The following ACCSL variants were observed in gnomAD, a reference collection of about 807,000 sequenced individuals.
ACCSL encodes the protein probable inactive 1-aminocyclopropane-1-carboxylate synthase-like protein 2.
A neutral mutation model predicts 61.7 loss-of-function variants in ACCSL; 55 were observed. The observed-to-expected ratio is 0.89, with a 90% CI of 0.72 to 1.12. ACCSL has a LOEUF of 1.12. ACCSL is among the 50% of genes most tolerant of loss of function. ACCSL has a pLI of 0.00. For synonymous variants in ACCSL, 258 were observed against 264.3 expected (o/e 0.98, Z 0.23); for missense variants, 632 against 698.0 (o/e 0.91, Z 1.07).
the ACCSL span, among the ~76,000 whole-genome samples, chr11:44,030,036 G>T: frequency 3.5e-4 from 9 of 25,828 alleles, no homozygotes; most frequent in Admixed American, 4.4e-4. Flanking sequence ...TTTATTTTAT[G>T]TTTGCTTGTT....
At chr11:43,936,293 C>T in the ACCSL span, among the ~76,000 whole-genome samples, 1 of 152,200 alleles carries the variant, frequency 6.6e-6, no homozygotes, top group East Asian at 1.9e-4. Context: ...GCCACCAAAA[C>T]CCCCAAATGC....
chr11:44,043,170 T>G (rs1010831114), upstream of ACCSL, among the ~76,000 whole-genome samples: 16 of 152,194 alleles, frequency 1.1e-4, no homozygotes, highest in African/African-American at 3.9e-4. Flanking sequence ...CTGATAAGAT[T>G]CATAAGTATA....
the ACCSL span, among the ~76,000 whole-genome samples, chr11:43,985,942 G>A: frequency 9.7e-3 from 1,472 of 151,738 alleles, 24 homozygotes; most frequent in African/African-American, 0.033. Context: ...CAGCCTGGGC[G>A]ACAGCGTGAG....
chr11:43,930,449 G>A, the ACCSL span, among the ~76,000 whole-genome samples: 1 of 152,148 alleles, frequency 6.6e-6, no homozygotes, highest in East Asian at 1.9e-4. Flanking sequence ...CCTCATGAAT[G>A]GCTTGGTGCC....
At chr11:43,983,643 A>G in the ACCSL span, among the ~76,000 whole-genome samples, 2 of 151,594 alleles carry the variant, frequency 1.3e-5, no homozygotes, top group Non-Finnish European at 2.9e-5. Context: ...CCTTCCATCA[A>G]CAGAATCATG....
the ACCSL span, among the ~76,000 whole-genome samples, chr11:44,027,056 A>G: frequency 6.6e-6 from 1 of 152,156 alleles, no homozygotes; most frequent in Non-Finnish European, 1.5e-5. Flanking sequence ...TATATTCTTT[A>G]TCATGCGTGA....
chr11:43,924,074 A>T, the ACCSL span, among the ~76,000 whole-genome samples: 1 of 152,218 alleles, frequency 6.6e-6, no homozygotes, highest in African/African-American at 2.4e-5. Context: ...CTGGTATCTG[A>T]AAGGGAAGGA....
At chr11:43,940,459 C>A in the ACCSL span, among the ~76,000 whole-genome samples, 1 of 151,948 alleles carries the variant, frequency 6.6e-6, no homozygotes, top group South Asian at 2.1e-4. Flanking sequence ...GGGTTCACAC[C>A]ATTCTCCTGC....
the ACCSL span, among the ~76,000 whole-genome samples, chr11:43,968,248 T>C: frequency 6.8e-6 from 1 of 146,936 alleles, no homozygotes; most frequent in Non-Finnish European, 1.5e-5. Context: ...CCCTTTAGGG[T>C]GAAAGTATTT....
At chr11:43,953,983 G>A in the ACCSL span, among the ~76,000 whole-genome samples, 2 of 152,010 alleles carry the variant, frequency 1.3e-5, no homozygotes, top group South Asian at 2.1e-4. Flanking sequence ...ACCCCTTTTC[G>A]GTAACCTGTC....
chr11:44,050,100 C>T lies in ACCSL; in HGVS notation c.543C>T (p.Cys181=). The change falls in exon 2 of 14, where the codon TGC becomes TGT. Residue 181 remains cysteine (C), a synonymous_variant. Transcript: ENST00000378832. The part of the protein sequence containing the change: ...INLGTSENKL[C]MDLMTERLQE... ...TTGGCACCAGTGAGAACAAGCTCTG[C>T]ATGGATCTGATGACTGAAAGAGTAA... 3 of 1,614,072 alleles carry T rather than the reference C, an allele frequency of 1.9e-6. No homozygotes were observed. Among genetic ancestry groups the T allele is most frequent in the Non-Finnish European group, 2.5e-6 (3 of 1,179,924 alleles).
chr11:43,978,393 TA>T, the ACCSL span, among the ~76,000 whole-genome samples: 1 of 152,092 alleles, frequency 6.6e-6, no homozygotes, highest in East Asian at 1.9e-4. Flanking sequence ...GAAAAGTAAT[TA>T]AAAGGCAAAA....
chr11:44,018,537 A>G, the ACCSL span, among the ~76,000 whole-genome samples: 1 of 152,164 alleles, frequency 6.6e-6, no homozygotes, highest in Non-Finnish European at 1.5e-5. Context: ...AGATTGAGAG[A>G]CCTTGGCCTT....
In ACCSL at chr11:44,053,600, T is replaced by TGC. The variant is rs1185245485; in HGVS notation, c.1049+95_1049+96dup. 1.1e-5 allele frequency: 13 copies of TGC among 1,185,566 alleles called. No homozygotes were observed. The African/African-American group carries it at 1.8e-4, about 16-fold the overall frequency. 73.4% of individuals were successfully genotyped at this position (1,185,566 alleles called of 1,614,324 possible). The stretch of plus-strand genomic sequence containing the variant: ...ATCAAGAGCCAGATCTGGTGGCACA[T>TGC]GCCTGTAATCCCAGCACTTTGGGAG... On this transcript the variant is annotated intron_variant, in intron 8 of 13. Transcript: ENST00000378832.
chr11:44,037,337 A>T, the ACCSL span, among the ~76,000 whole-genome samples: 5 of 152,246 alleles, frequency 3.3e-5, no homozygotes, highest in Admixed American at 6.5e-5. Flanking sequence ...TAAAACAGAA[A>T]TACTAAGAGA....
upstream of ACCSL, among the ~76,000 whole-genome samples, chr11:44,045,232 A>T (rs149474489): frequency 2.4e-3 from 361 of 152,184 alleles, no homozygotes; most frequent in African/African-American, 8.4e-3. Flanking sequence ...GAGCCCAGGA[A>T]TTTGAGACCA....
chr11:43,999,432 C>T, the ACCSL span, among the ~76,000 whole-genome samples: 9 of 152,242 alleles, frequency 5.9e-5, no homozygotes, highest in African/African-American at 1.7e-4. Context: ...GAAGGCTGGA[C>T]TAGGGCAGGA....
chr11:44,003,114 G>A, the ACCSL span, among the ~76,000 whole-genome samples: 1 of 152,150 alleles, frequency 6.6e-6, no homozygotes, highest in Admixed American at 6.6e-5. Flanking sequence ...ATATTTTGCA[G>A]AAAAGTAATT....
the ACCSL span, among the ~76,000 whole-genome samples, chr11:43,989,018 C>G: frequency 6.6e-6 from 1 of 152,068 alleles, no homozygotes; most frequent in Non-Finnish European, 1.5e-5. Context: ...TCCCTGGGTT[C>G]TAACTGGTGA....
Sources: allele counts gnomAD v4.1 joint callset (sites outside exome capture counted in the v4.1 genomes callset), GRCh38; gene constraint gnomAD v4.1.1; transcripts MANE v1.5; gene names NCBI Gene and HGNC (gene_info 2026-07-23, HGNC 2026-07-21).